The following CEP350 variants were observed in gnomAD, a reference collection of about 807,000 sequenced individuals.
CEP350 encodes the protein centrosome-associated protein 350.
In CEP350, 126 loss-of-function variants were observed where a neutral mutation model predicts 331.8. That is an observed-to-expected ratio of 0.38 (90% CI 0.33 to 0.44). CEP350 has a LOEUF of 0.44. Among genes scored for constraint, CEP350 ranks in the 20% least tolerant of loss-of-function variants. The pLI is 1.00. For synonymous variants in CEP350, 1,200 were observed against 1,259.5 expected (o/e 0.95, Z 1.00); for missense variants, 3,406 against 3,634.6 (o/e 0.94, Z 1.62).
In CEP350 at chr1:180,020,550, A is replaced by T; in HGVS notation, c.2776A>T (p.Ile926Leu). 1.2e-6 allele frequency: 2 copies of T among 1,614,044 alleles called. No individual in the cohort carries two copies. Among genetic ancestry groups the T allele is most frequent in the Non-Finnish European group, 1.7e-6 (2 of 1,179,894 alleles). Residue 926 changes from isoleucine (I) to leucine (L), a missense_variant, in exon 12 of 38, where the codon ATA (isoleucine) becomes TTA (leucine). This residue lies in a region of CEP350 where 1,857 missense variants were observed against 1,909.2 expected (regional missense o/e 0.97). Transcript: ENST00000367607. ...TGAATTTAAAAAGCTTCCTGAGATG[A>T]TAAGACCACAGAGTGCCATATCAAG... ...LSEFKKLPEM[I>L]RPQSAISSFR...
intron 27 of CEP350, chr1:180,073,995 CTTTT>C (rs970683557): frequency 1.9e-6 from 2 of 1,078,136 alleles, no homozygotes; most frequent in Admixed American, 5.7e-5. Flanking sequence ...CTCTCTCTCT[CTTTT>C]TTTTTAATAG....
chr1:180,067,909 G>T (rs1458777184), intron 27 of CEP350, among the ~76,000 whole-genome samples: 4 of 152,310 alleles, frequency 2.6e-5, no homozygotes, highest in Admixed American at 1.3e-4. Flanking sequence ...TAATTTCATA[G>T]TCATTCGCTA....
chr1:179,995,527 C>T (rs745896572), intron 5 of CEP350, among the ~76,000 whole-genome samples: 8 of 152,164 alleles, frequency 5.3e-5, no homozygotes, highest in Non-Finnish European at 1.0e-4. Context: ...ATCGCTTGAA[C>T]CCGGGAGGCA....
intron 1 of CEP350, among the ~76,000 whole-genome samples, chr1:179,964,766 CTTTTTTTTTT>C (rs576706075): frequency 7.0e-6 from 1 of 142,644 alleles, no homozygotes; most frequent in East Asian, 2.0e-4. Context: ...GATCTTCTCA[CTTTTTTTTTT>C]TTTAATTTAC....
At chr1:179,983,262 T>G (rs983563913) in intron 1 of CEP350, among the ~76,000 whole-genome samples, 1 of 151,922 alleles carries the variant, frequency 6.6e-6, no homozygotes, top group Non-Finnish European at 1.5e-5. Context: ...TGAGACGGAG[T>G]CTCGCTCTCT....
chr1:180,078,379 T>C (rs189117336), intron 28 of CEP350, 84 bp from the exon 29 acceptor site: 30 of 969,344 alleles, frequency 3.1e-5, no homozygotes, highest in South Asian at 2.5e-4. Flanking sequence ...AGTAATAATA[T>C]GCTAAAAACA....
intron 1 of CEP350, among the ~76,000 whole-genome samples, chr1:179,976,255 A>G (rs17371084): frequency 0.074 from 11,195 of 152,162 alleles, 550 homozygotes; most frequent in Non-Finnish European, 0.12. Context: ...TTTTTAGACT[A>G]TACTCCAATT....
chr1:180,017,729 T>A (rs1285413119), intron 11 of CEP350, among the ~76,000 whole-genome samples: 1 of 152,214 alleles, frequency 6.6e-6, no homozygotes, highest in Non-Finnish European at 1.5e-5. Flanking sequence ...TTTAAAAGCA[T>A]GTTACTTTTT....
chr1:180,066,246 TG>T (rs1164120616), intron 27 of CEP350, among the ~76,000 whole-genome samples: 2 of 152,198 alleles, frequency 1.3e-5, no homozygotes, highest in East Asian at 3.8e-4. Context: ...ATTAGCTGCT[TG>T]TGGACTCTAT....
At chr1:179,992,597 CT>C (rs1157996767) in intron 5 of CEP350, among the ~76,000 whole-genome samples, 3 of 151,784 alleles carry the variant, frequency 2.0e-5, no homozygotes, top group South Asian at 2.1e-4. Flanking sequence ...ATATTGCTTA[CT>C]TTTTTTCTTT....
intron 27 of CEP350, among the ~76,000 whole-genome samples, chr1:180,070,780 G>A (rs148727985): frequency 0.012 from 1,755 of 152,274 alleles, 17 homozygotes; most frequent in Non-Finnish European, 0.018. Context: ...GTTGAAATTA[G>A]CAAAGTGCTA....
At chr1:180,036,546 C>T (rs148589507) in intron 16 of CEP350, among the ~76,000 whole-genome samples, 13 of 152,256 alleles carry the variant, frequency 8.5e-5, no homozygotes, top group Admixed American at 3.9e-4. Context: ...CGACCTTCCA[C>T]CAGCAAAAAG....
chr1:179,997,587 A>G (rs1265180333), intron 6 of CEP350, among the ~76,000 whole-genome samples: 1 of 152,058 alleles, frequency 6.6e-6, no homozygotes, highest in African/African-American at 2.4e-5. Context: ...TGTTAAAAAT[A>G]CAGATTCCTA....
chr1:180,041,123 A>G lies in CEP350; in HGVS notation c.4111-15A>G. Reference sequence around the variant, plus strand: ...TTTCGTATCTGAGAATTAACATTTGACCATTATTTTGAAGGCACAACAGCA... The same window carrying G: ...TTTCGTATCTGAGAATTAACATTTGGCCATTATTTTGAAGGCACAACAGCA... On this transcript the variant is annotated splice_polypyrimidine_tract_variant and intron_variant, in intron 17 of 37. Transcript: ENST00000367607. 1 of 1,559,036 alleles carries G rather than the reference A, an allele frequency of 6.4e-7. No individual in the cohort carries two copies. The highest frequency in any genetic ancestry group is 8.7e-7 in the Non-Finnish European group (1 of 1,146,398).
At chr1:180,028,940 C>T (rs1655842868) in intron 14 of CEP350, among the ~76,000 whole-genome samples, 1 of 152,100 alleles carries the variant, frequency 6.6e-6, no homozygotes, top group Non-Finnish European at 1.5e-5. Context: ...TTCCCTAATC[C>T]TCACCGGCAA....
chr1:180,051,259 A>G (rs1425480450), intron 22 of CEP350, among the ~76,000 whole-genome samples: 1 of 152,174 alleles, frequency 6.6e-6, no homozygotes, highest in Non-Finnish European at 1.5e-5. Flanking sequence ...CCTCCGCTCT[A>G]CCAGACCTCC....
intron 21 of CEP350, among the ~76,000 whole-genome samples, chr1:180,047,469 G>A (rs1657196694): frequency 6.6e-6 from 1 of 151,960 alleles, no homozygotes; most frequent in Non-Finnish European, 1.5e-5. Flanking sequence ...ATATAAAAGA[G>A]AAAGAGGGCC....
chr1:180,077,809 T>C (rs1659326501), intron 28 of CEP350, among the ~76,000 whole-genome samples: 1 of 152,028 alleles, frequency 6.6e-6, no homozygotes, highest in South Asian at 2.1e-4. Context: ...GCAAGGTTTC[T>C]TCATAGGAAA....
At chr1:179,962,704 G>A (rs917488254) in intron 1 of CEP350, among the ~76,000 whole-genome samples, 3 of 152,148 alleles carry the variant, frequency 2.0e-5, no homozygotes, top group Non-Finnish European at 4.4e-5. Flanking sequence ...CACTGCTCCC[G>A]GCCTATCTGA....
Sources: gnomAD v4.1 joint callset for allele counts (sites outside exome capture counted in the v4.1 genomes callset) on GRCh38, gnomAD v4.1.1 for gene constraint, gnomAD v4.1.1 regional missense constraint, MANE v1.5 for transcripts, NCBI Gene and HGNC (gene_info 2026-07-23, HGNC 2026-07-21) for gene names.